DLG2: variants seen among roughly 807,000 people sequenced by gnomAD.
DLG2 encodes the protein discs large MAGUK scaffold protein 2, also known as disks large homolog 2.
A neutral mutation model predicts 132.5 loss-of-function variants in DLG2; 45 were observed. The observed-to-expected ratio is 0.34, with a 90% CI of 0.27 to 0.44. The LOEUF (loss-of-function observed/expected upper bound fraction) is 0.44. DLG2 is among the 20% of genes least tolerant of loss of function. DLG2 has a pLI of 1.00. For synonymous variants in DLG2, 424 were observed against 419.6 expected (o/e 1.01, Z -0.13); for missense variants, 1,045 against 1,196.9 (o/e 0.87, Z 1.87).
intron 6 of DLG2, among the ~76,000 whole-genome samples, chr11:85,107,857 G>A (rs575983156): frequency 1.0e-4 from 15 of 149,308 alleles, no homozygotes; most frequent in East Asian, 2.0e-4. Context: ...AATAATTAAC[G>A]GGGAGTATAA....
chr11:84,314,981 A>G (rs959522837), intron 7 of DLG2, among the ~76,000 whole-genome samples: 1 of 152,134 alleles, frequency 6.6e-6, no homozygotes, highest in Non-Finnish European at 1.5e-5. Flanking sequence ...CCTAAAAGAT[A>G]TGGTTTCATA....
chr11:85,382,904 G>A (rs1287089708), intron 3 of DLG2, among the ~76,000 whole-genome samples: 1 of 152,060 alleles, frequency 6.6e-6, no homozygotes, highest in African/African-American at 2.4e-5. Flanking sequence ...TAGTGCAGTG[G>A]CTTTGGAAAA....
intron 11 of DLG2, among the ~76,000 whole-genome samples, chr11:84,031,161 A>G (rs1476672494): frequency 6.6e-6 from 1 of 151,834 alleles, no homozygotes; most frequent in Non-Finnish European, 1.5e-5. Flanking sequence ...ACTAAATTAC[A>G]ATTATACCAC....
At chr11:84,720,412 G>A (rs2061675148) in intron 6 of DLG2, 2 of 985,304 alleles carry the variant, frequency 2.0e-6, no homozygotes, top group African/African-American at 1.7e-5. Context: ...TCCGGGCTGC[G>A]GCAGTGGCAG....
At chr11:83,483,691 G>C (rs1294341124) in intron 22 of DLG2, among the ~76,000 whole-genome samples, 1 of 152,116 alleles carries the variant, frequency 6.6e-6, no homozygotes, top group Non-Finnish European at 1.5e-5. Context: ...TTAGTGTTTT[G>C]GGGGAGGGAA....
chr11:84,094,347 G>C (rs556919331), intron 10 of DLG2, among the ~76,000 whole-genome samples: 1 of 152,096 alleles, frequency 6.6e-6, no homozygotes, highest in South Asian at 2.1e-4. Flanking sequence ...TTTATTATTA[G>C]GATTATTATT....
chr11:85,499,703 T>C (rs944179361), intron 3 of DLG2, among the ~76,000 whole-genome samples: 1 of 152,150 alleles, frequency 6.6e-6, no homozygotes, highest in Non-Finnish European at 1.5e-5. Flanking sequence ...CTCAATAAAA[T>C]ACTGGCAAAC....
At chr11:85,504,317 GT>G (rs1179709353) in intron 3 of DLG2, among the ~76,000 whole-genome samples, 1 of 152,012 alleles carries the variant, frequency 6.6e-6, no homozygotes, top group African/African-American at 2.4e-5. Flanking sequence ...TATTGCCTAG[GT>G]TTTCTTCTAG....
chr11:85,020,900 C>T (rs1211699101), intron 6 of DLG2: 2 of 768,492 alleles, frequency 2.6e-6, no homozygotes, highest in Admixed American at 1.7e-5. Flanking sequence ...CATGTGCATC[C>T]CCCTCCTCAG....
intron 6 of DLG2, among the ~76,000 whole-genome samples, chr11:84,868,193 G>A (rs963082100): frequency 6.7e-6 from 1 of 148,710 alleles, no homozygotes; most frequent in Non-Finnish European, 1.5e-5. Context: ...ATGGAAGCAT[G>A]TAACTATCAT....
chr11:84,666,273 C>T (rs578229437), intron 6 of DLG2, among the ~76,000 whole-genome samples: 1 of 152,132 alleles, frequency 6.6e-6, no homozygotes, highest in Non-Finnish European at 1.5e-5. Context: ...GAACAAACAA[C>T]TGACTCTTCT....
chr11:85,144,268 A>T (rs1169216328), intron 5 of DLG2, among the ~76,000 whole-genome samples: 3 of 150,834 alleles, frequency 2.0e-5, no homozygotes, highest in Admixed American at 6.6e-5. Flanking sequence ...CTTAGTTTAC[A>T]TTTGTACAGA....
intron 3 of DLG2, among the ~76,000 whole-genome samples, chr11:85,591,744 A>C (rs1435752779): frequency 6.6e-6 from 1 of 152,202 alleles, no homozygotes; most frequent in African/African-American, 2.4e-5. Flanking sequence ...TTCATCTCAA[A>C]AAAAGAAGGA....
intron 4 of DLG2, among the ~76,000 whole-genome samples, chr11:85,219,978 C>G (rs1196047616): frequency 6.6e-6 from 1 of 151,960 alleles, no homozygotes; most frequent in Non-Finnish European, 1.5e-5. Flanking sequence ...GAAATTACAA[C>G]TGCTTTTTGT....
At chr11:83,811,032 C>A (rs980785137) in intron 17 of DLG2, among the ~76,000 whole-genome samples, 1 of 152,044 alleles carries the variant, frequency 6.6e-6, no homozygotes, top group Non-Finnish European at 1.5e-5. Flanking sequence ...TGTGTTAAAT[C>A]TCTGAGGTAG....
At chr11:85,154,444 T>C in intron 5 of DLG2, 112 bp downstream of exon 5, 1 of 580,614 alleles carries the variant, frequency 1.7e-6, no homozygotes, top group Non-Finnish European at 2.9e-6. Flanking sequence ...AAGCTAGAAA[T>C]TAGGTTACAC....
At chr11:85,133,307 G>A (rs1385588859) in intron 5 of DLG2, among the ~76,000 whole-genome samples, 1 of 152,096 alleles carries the variant, frequency 6.6e-6, no homozygotes, top group East Asian at 1.9e-4. Flanking sequence ...TCTACCAAAT[G>A]GCTGTCGTTC....
intron 6 of DLG2, among the ~76,000 whole-genome samples, chr11:84,556,837 T>C (rs983250198): frequency 6.6e-6 from 1 of 152,244 alleles, no homozygotes; most frequent in Non-Finnish European, 1.5e-5. Flanking sequence ...TCTGTTCCTA[T>C]GTTAGTTTGC....
chr11:85,023,365 T>C (rs769208358), intron 6 of DLG2, among the ~76,000 whole-genome samples: 3 of 152,064 alleles, frequency 2.0e-5, no homozygotes, highest in Non-Finnish European at 4.4e-5. Context: ...TAACATTTTC[T>C]TATTTTAGAC....
Sources: gnomAD v4.1 joint callset for allele counts (sites outside exome capture counted in the v4.1 genomes callset) on GRCh38, gnomAD v4.1.1 for gene constraint, MANE v1.5 for transcripts, NCBI Gene and HGNC (gene_info 2026-07-23, HGNC 2026-07-21) for gene names.